Variants in ZW10 observed in about 807,000 individuals in gnomAD.
ZW10 encodes the protein centromere/kinetochore protein zw10 homolog.
Under a neutral mutation model 87.8 loss-of-function variants are expected in ZW10, and 53 were observed. That is an observed-to-expected ratio of 0.60 (90% CI 0.48 to 0.76). The LOEUF (loss-of-function observed/expected upper bound fraction) is 0.76, where lower values mean the gene tolerates loss of function less well. Among genes scored for constraint, ZW10 ranks in the 30% least tolerant of loss-of-function variants. The pLI, the probability that ZW10 is intolerant of heterozygous loss-of-function variation, is 0.00. For synonymous variants in ZW10, 312 were observed against 329.2 expected, an observed-to-expected ratio of 0.95 and a Z score of 0.57; for missense variants, 837 against 923.0, an observed-to-expected ratio of 0.91 and a Z score of 1.21.
At chr11:113,766,409 G>A (rs557642780) in intron 2 of ZW10, among the ~76,000 whole-genome samples, 4 of 152,112 alleles carry the variant, frequency 2.6e-5, no homozygotes, top group Admixed American at 6.5e-5. Context: ...GGTGGCTCAC[G>A]CCTGTAATCC....
At chr11:113,745,682 G>A (rs771907579) in intron 9 of ZW10, among the ~76,000 whole-genome samples, 27 of 152,166 alleles carry the variant, frequency 1.8e-4, no homozygotes, top group Admixed American at 5.2e-4. Flanking sequence ...AGGGGCAAAG[G>A]AAACTAAGAC....
At chr11:113,747,470 TC>T in intron 9 of ZW10, 60 bp downstream of exon 9, 1 of 1,459,344 alleles carries the variant, frequency 6.9e-7, no homozygotes, top group South Asian at 1.3e-5. Flanking sequence ...TATATGCATC[TC>T]AAAATGAGTT....
intron 5 of ZW10, among the ~76,000 whole-genome samples, chr11:113,759,724 G>A (rs978236684): frequency 6.6e-6 from 1 of 152,094 alleles, no homozygotes; most frequent in African/African-American, 2.4e-5. Context: ...TTTCCCCAAG[G>A]ACTGGAAAGA....
Position 113,758,703 on chromosome 11 carries a change from G to T in ZW10, c.584C>A (p.Thr195Asn), listed in dbSNP as rs1465986391. 1 of 1,613,676 alleles carries T rather than the reference G, an allele frequency of 6.2e-7. No homozygotes were observed. ...TTGTAGGTAAGATTCCAAACTGCTG[G>T]TATCTAAGAAAAAGGAAGAAAAATA... is the stretch of plus-strand genomic sequence containing the variant. Reference protein sequence around the residue: ...IVWKFPPSKDTSSLESYLQTE... With the variant: ...IVWKFPPSKDNSSLESYLQTE... Residue 195 changes from threonine (T) to asparagine (N), a missense_variant, in exon 6 of 16, where the codon ACC (threonine) becomes AAC (asparagine). Thr to Asn is a moderately conservative substitution (Grantham distance 65). Coordinates refer to ENST00000200135, the MANE Select transcript of ZW10 (RefSeq NM_004724.4).
At position 113,733,549 on chromosome 11, in the gene ZW10, G is replaced by T; in HGVS notation, c.*145C>A. Reference sequence around the variant, plus strand: ...AACAAAGCCTCGTACAGGCCAGGAGGTAAGACGTTCTTCTGTAAAGTCAAA... The same window carrying T: ...AACAAAGCCTCGTACAGGCCAGGAGTTAAGACGTTCTTCTGTAAAGTCAAA... On this transcript the variant is annotated 3_prime_UTR_variant, in exon 16 of 16. Transcript: ENST00000200135. 1 of 1,045,706 alleles carries T rather than the reference G, an allele frequency of 9.6e-7. No individual in the cohort carries two copies. Among genetic ancestry groups the T allele is most frequent in the Non-Finnish European group, 1.4e-6 (1 of 702,278 alleles). The allele number at this position is 1,045,706 out of a possible 1,614,324, so 64.8% of individuals were successfully genotyped here.
At chr11:113,741,564 T>G (rs1220937089) in intron 11 of ZW10, 130 bp downstream of exon 11, 2 of 536,958 alleles carry the variant, frequency 3.7e-6, no homozygotes, top group African/African-American at 3.9e-5. Context: ...TAAAATGATT[T>G]ACTGCATTTT....
rs772478529 is a variant in ZW10 at position 113,733,766 on chromosome 11, T to C, written c.2268A>G (p.Glu756=). 73 of 1,613,894 alleles carry C rather than the reference T, an allele frequency of 4.5e-5. No individual in the cohort carries two copies. The highest frequency in any genetic ancestry group is 1.5e-4 in the Admixed American group (9 of 59,986). ...GPLAAAFSSS[E]VKALIRALFQ... The stretch of plus-strand genomic sequence containing the variant: ...ACAAGGCACGAATTAAAGCTTTTAC[T>C]TCACTGGAAGAGAACGCAGCTGCCA... Residue 756 remains glutamate, a synonymous_variant, in exon 16 of 16, where the codon GAA becomes GAG. Coordinates refer to ENST00000200135, the MANE Select transcript of ZW10 (RefSeq NM_004724.4).
Position 113,773,502 on chromosome 11 carries a change from TCC to T in ZW10, c.105+58_105+59del, listed in dbSNP as rs1432523481. 17 of 1,451,614 alleles carry T rather than the reference TCC, an allele frequency of 1.2e-5. No homozygotes were observed. In the Admixed American group the frequency reaches 2.9e-4, roughly 25 times the overall value. The allele number at this position is 1,451,614 out of a possible 1,614,324, so 89.9% of individuals were successfully genotyped here. A position where few individuals can be genotyped will look rare whatever the true frequency, so the allele number is the denominator to read the frequency against. On this transcript the variant is annotated intron_variant, in intron 1 of 15. Transcript: ENST00000200135. Reference sequence around the variant, plus strand: ...CTTAGCCCCTGACTCCTCTCTCCAGTCCCTTCACACAAGGACCCGGAGTCCCC... The same window carrying T: ...CTTAGCCCCTGACTCCTCTCTCCAGTCTTCACACAAGGACCCGGAGTCCCC...
At chr11:113,772,624 G>A (rs529560309) in intron 1 of ZW10, among the ~76,000 whole-genome samples, 4 of 152,200 alleles carry the variant, frequency 2.6e-5, no homozygotes, top group East Asian at 3.9e-4. Flanking sequence ...CAACGTTTAC[G>A]TAGGTACCAA....
At chr11:113,734,432 A>C (rs1435194259) in intron 15 of ZW10, among the ~76,000 whole-genome samples, 1 of 152,220 alleles carries the variant, frequency 6.6e-6, no homozygotes, top group Non-Finnish European at 1.5e-5. Flanking sequence ...GAGACTAAAC[A>C]GGACAAATAA....
At chr11:113,734,623 G>T (rs1565277933) in intron 15 of ZW10, among the ~76,000 whole-genome samples, 2 of 152,008 alleles carry the variant, frequency 1.3e-5, no homozygotes, top group African/African-American at 4.8e-5. Flanking sequence ...TAGCCAACAT[G>T]GCAAAACCCC....
Position 113,737,577 on chromosome 11 carries a change from G to C in ZW10, c.2011C>G (p.Leu671Val). The change falls in exon 14 of 16, where the codon CTA (leucine) becomes GTA (valine). Residue 671 changes from leucine (L) to valine (V), a missense_variant. Physicochemically the swap from Leu to Val is conservative, Grantham distance 32 (BLOSUM62 1). Coordinates refer to ENST00000200135, the MANE Select transcript of ZW10 (RefSeq NM_004724.4). ...ISEVIGKITALEDISTEDGDR... is the reference protein window; with the variant it reads ...ISEVIGKITAVEDISTEDGDR... Reference sequence around the variant, plus strand: ...TAGCATCTAATGGCCCTTACCTCTAGGGCAGTAATTTTGCCAATGACCTCA... The same window carrying C: ...TAGCATCTAATGGCCCTTACCTCTACGGCAGTAATTTTGCCAATGACCTCA... 2 of 1,611,012 alleles carry C rather than the reference G, an allele frequency of 1.2e-6. No homozygotes were observed. The highest frequency in any genetic ancestry group is 1.7e-6 in the Non-Finnish European group (2 of 1,177,910).
intron 2 of ZW10, among the ~76,000 whole-genome samples, chr11:113,761,438 C>A (rs1347331224): frequency 6.6e-6 from 1 of 152,160 alleles, no homozygotes; most frequent in Non-Finnish European, 1.5e-5. Context: ...CACCACCACA[C>A]CTGTCTAATT....
At chr11:113,734,236 G>A (rs187688507) in intron 15 of ZW10, among the ~76,000 whole-genome samples, 206 of 152,186 alleles carry the variant, frequency 1.4e-3, no homozygotes, top group African/African-American at 4.3e-3. Context: ...CAACCTATTA[G>A]AATAACGGGC....
intron 10 of ZW10, among the ~76,000 whole-genome samples, chr11:113,742,565 C>T (rs1408221647): frequency 2.0e-5 from 3 of 152,092 alleles, no homozygotes; most frequent in East Asian, 1.9e-4. Context: ...TTTGTTTGTC[C>T]TGTTAAAAAC....
intron 15 of ZW10, among the ~76,000 whole-genome samples, chr11:113,734,727 C>T (rs991502381): frequency 6.6e-6 from 1 of 151,610 alleles, no homozygotes; most frequent in Non-Finnish European, 1.5e-5. Flanking sequence ...CTTGCTGGAG[C>T]GTGGGAGGCA....
At chr11:113,740,213 C>T (rs2364111) in intron 11 of ZW10, among the ~76,000 whole-genome samples, 24,631 of 152,024 alleles carry the variant, frequency 0.16, 2,242 homozygotes, top group Non-Finnish European at 0.21. Flanking sequence ...CACACCTGGG[C>T]CTTACATCAG....
rs546346853 is a variant in ZW10 at position 113,748,432 on chromosome 11, A to T, written c.926-12T>A. 3.4e-5 allele frequency: 54 copies of T among 1,574,410 alleles called. No homozygotes were observed. In the Middle Eastern group the frequency reaches 8.5e-4, roughly 25 times the overall value. ...GTCAAGTGGCAAATCTGAATTTTTTAAAAAAAGAAGTTTTAAACAAGAAAC... is the reference window on the plus strand; with the variant it reads ...GTCAAGTGGCAAATCTGAATTTTTTTAAAAAAGAAGTTTTAAACAAGAAAC... On this transcript the variant is annotated splice_polypyrimidine_tract_variant and intron_variant, in intron 7 of 15. Coordinates refer to ENST00000200135, the MANE Select transcript of ZW10 (RefSeq NM_004724.4).
chr11:113,758,640 T>A lies in ZW10; in HGVS notation c.647A>T (p.Glu216Val). 6.2e-7 allele frequency: 1 copy of A among 1,614,114 alleles called. No individual in the cohort carries two copies. Among genetic ancestry groups the A allele is most frequent in the African/African-American group, 1.3e-5 (1 of 75,044 alleles). ...GATGGGTGGCATAGGGGTCTTCTCC[T>A]CTTTGTGCGATTGTTCAGTGTATAA... ...LHLYTEQSHK[E>V]EKTPMPPISS... The change falls in exon 6 of 16, where the codon GAG becomes GTG. Residue 216 changes from glutamate (E) to valine (V), a missense_variant. Transcript: ENST00000200135.
Sources: allele counts gnomAD v4.1 joint callset (sites outside exome capture counted in the v4.1 genomes callset), GRCh38; gene constraint gnomAD v4.1.1; transcripts MANE v1.5; gene names NCBI Gene and HGNC (gene_info 2026-07-23, HGNC 2026-07-21).